The following SNAP29 variants were observed in gnomAD, a reference collection of about 807,000 sequenced individuals.
The protein encoded by SNAP29 is synaptosome associated protein 29.
In SNAP29, 13 loss-of-function variants were observed where a neutral mutation model predicts 27.9. That is an observed-to-expected ratio of 0.47 (90% confidence interval 0.30 to 0.74). The LOEUF is 0.74. SNAP29 is among the 30% of genes least tolerant of loss of function. The probability of loss-of-function intolerance (pLI) is 0.06; values close to 1 mark genes in which losing one functional copy is unlikely to be tolerated. For synonymous variants in SNAP29, 119 were observed against 127.1 expected (o/e 0.94, Z 0.43); for missense variants, 368 against 336.5 (o/e 1.09, Z -0.73).
rs117920615 is a variant in SNAP29 at position 20,870,846 on chromosome 22, A to T, written c.434+313A>T. 6.5e-3 allele frequency: 2,633 copies of T among 408,204 alleles called. 30 individuals are homozygous for T. The highest frequency in any genetic ancestry group is 0.051 in the East Asian group (917 of 17,886). The allele number at this position is 408,204 out of a possible 1,614,324, so 25.3% of individuals were successfully genotyped here. The stretch of plus-strand genomic sequence containing the variant: ...ACTTCACATAATTTTTGCTTTAAAA[A>T]ATCTTTAGGGCTGGGTGCAGTGGCT... On this transcript the variant is annotated intron_variant, in intron 2 of 4. Transcript: ENST00000215730.
chr22:20,875,955 A>G (rs1381103637), intron 2 of SNAP29, among the ~76,000 whole-genome samples: 3 of 151,962 alleles, frequency 2.0e-5, no homozygotes, highest in South Asian at 2.1e-4. Flanking sequence ...AGGTCAGGAG[A>G]TCGAGACCAT....
intron 4 of SNAP29, among the ~76,000 whole-genome samples, chr22:20,885,819 C>T (rs1929001170): frequency 6.6e-6 from 1 of 152,186 alleles, no homozygotes; most frequent in Non-Finnish European, 1.5e-5. Flanking sequence ...CAGGCCAGGC[C>T]GGTCCACTCT....
At chr22:20,873,337 C>T (rs1318854932) in intron 2 of SNAP29, among the ~76,000 whole-genome samples, 2 of 151,080 alleles carry the variant, frequency 1.3e-5, no homozygotes, top group Non-Finnish European at 2.9e-5. Flanking sequence ...TAATGCATCA[C>T]TAAGGTACAG....
chr22:20,880,505 CAAAAA>C (rs763227531), intron 2 of SNAP29, among the ~76,000 whole-genome samples: 1 of 102,456 alleles, frequency 9.8e-6, no homozygotes, highest in African/African-American at 3.6e-5. Flanking sequence ...GACTCCATCT[CAAAAA>C]AAAAAAAAAA....
At chr22:20,874,175 T>TGGCAG (rs1928667726) in intron 2 of SNAP29, among the ~76,000 whole-genome samples, 1 of 147,264 alleles carries the variant, frequency 6.8e-6, no homozygotes, top group Non-Finnish European at 1.5e-5. Context: ...CTCGGGAGGG[T>TGGCAG]GAGAAATGTG....
chr22:20,887,765 C>T lies in SNAP29; in HGVS notation c.706C>T (p.Arg236Trp), dbSNP rs762679848. 20 of 1,614,112 alleles carry T rather than the reference C, an allele frequency of 1.2e-5. 1 individual carries two copies. The highest frequency in any genetic ancestry group is 1.6e-4 in the Middle Eastern group (1 of 6,062). ...TGAGGAGCAAGATGACATTCTTGAC[C>T]GGCTGACAACCAAAGTGGACAAGTT... Reference protein sequence around the residue: ...EIEEQDDILDRLTTKVDKLDV... With the variant: ...EIEEQDDILDWLTTKVDKLDV... Residue 236 changes from arginine (R) to tryptophan (W), a missense_variant, in exon 5 of 5, where the codon CGG becomes TGG. Arg to Trp is a moderately radical substitution (Grantham distance 101). Transcript: ENST00000215730.
rs1251152956 is a variant in SNAP29 at position 20,859,364 on chromosome 22, G to C, written c.237+17G>C. ...TCTTCCGAGGTGAGCCTGGGGCAGGGCTGGTGTGGACTCGCCGGTCTCTGT... is the reference window on the plus strand; with the variant it reads ...TCTTCCGAGGTGAGCCTGGGGCAGGCCTGGTGTGGACTCGCCGGTCTCTGT... On this transcript the variant is annotated intron_variant, in intron 1 of 4. Coordinates refer to ENST00000215730, the MANE Select transcript of SNAP29 (RefSeq NM_004782.4). The C allele has an allele frequency of 6.4e-7, 1 of 1,552,252 alleles. No individual in the cohort carries two copies. Among genetic ancestry groups the C allele is most frequent in the South Asian group, 1.1e-5 (1 of 89,984 alleles).
rs911285902 is a variant in SNAP29 at position 20,859,024 on chromosome 22, G to T, written c.-87G>T. The T allele has an allele frequency of 2.2e-6, 3 of 1,379,520 alleles. No individual in the cohort carries two copies. The highest frequency in any genetic ancestry group is 2.9e-5 in the African/African-American group (2 of 68,258). 85.5% of individuals were successfully genotyped at this position (1,379,520 alleles called of 1,614,324 possible). A position where few individuals can be genotyped will look rare whatever the true frequency, so the allele number is the denominator to read the frequency against. On this transcript the variant is annotated 5_prime_UTR_variant, in exon 1 of 5. Coordinates refer to ENST00000215730, the MANE Select transcript of SNAP29 (RefSeq NM_004782.4). ...CGGAAGGAGTTCGCGCGACGACCGC[G>T]GGGTCGGCGGGCGGGGCGAGGCCCT...
At chr22:20,875,958 G>C (rs939582107) in intron 2 of SNAP29, among the ~76,000 whole-genome samples, 1 of 151,838 alleles carries the variant, frequency 6.6e-6, no homozygotes, top group Non-Finnish European at 1.5e-5. Flanking sequence ...TCAGGAGATC[G>C]AGACCATCCT....
At chr22:20,884,399 TCA>T (rs1211459328) in intron 4 of SNAP29, among the ~76,000 whole-genome samples, 1 of 151,602 alleles carries the variant, frequency 6.6e-6, no homozygotes. Context: ...CCCCACACAC[TCA>T]CAGTGCAGTC....
chr22:20,874,973 C>T (rs760161356), intron 2 of SNAP29, among the ~76,000 whole-genome samples: 1 of 152,066 alleles, frequency 6.6e-6, no homozygotes, highest in Non-Finnish European at 1.5e-5. Context: ...TTGTGACTAG[C>T]ACCCTTTCAC....
chr22:20,885,508 G>T (rs1928991141), intron 4 of SNAP29, among the ~76,000 whole-genome samples: 1 of 152,180 alleles, frequency 6.6e-6, no homozygotes, highest in African/African-American at 2.4e-5. Flanking sequence ...CTCCAGAGAA[G>T]CCCAGAGAGG....
chr22:20,870,528 C>A lies in SNAP29; in HGVS notation c.429C>A (p.Asn143Lys), dbSNP rs200899805. 4.3e-6 allele frequency: 7 copies of A among 1,613,788 alleles called. No individual in the cohort carries two copies. In the East Asian group the frequency reaches 1.6e-4, roughly 36 times the overall value. ...ATGGCACCCTCACCTCCCAGCCCAA[C>A]AACAGGTGAGTGCATCTTCTACCAT... ...EQNGTLTSQP[N>K]NRLKEAISTS... Residue 143 changes from asparagine (N) to lysine (K), a missense_variant, in exon 2 of 5, where the codon AAC becomes AAA. Coordinates refer to ENST00000215730, the MANE Select transcript of SNAP29 (RefSeq NM_004782.4).
At chr22:20,861,329 G>T (rs1417874901) in intron 1 of SNAP29, among the ~76,000 whole-genome samples, 2 of 151,504 alleles carry the variant, frequency 1.3e-5, no homozygotes, top group Non-Finnish European at 2.9e-5. Context: ...GGCCAGGATG[G>T]TCTCGATCTC....
In SNAP29 at chr22:20,890,254, A is replaced by G. The variant is rs998395400; in HGVS notation, c.*2418A>G. 1 of 398,426 alleles carries G rather than the reference A, an allele frequency of 2.5e-6. No homozygotes were observed. Among genetic ancestry groups the G allele is most frequent in the African/African-American group, 2.1e-5 (1 of 48,622 alleles). 24.7% of individuals were successfully genotyped at this position (398,426 alleles called of 1,614,324 possible). On this transcript the variant is annotated 3_prime_UTR_variant, in exon 5 of 5. Transcript: ENST00000215730. ...CATGGCTCCAGAAACTTTTCACATGATGATTGGGATCGACAAAAAAATGCT... is the reference window on the plus strand; with the variant it reads ...CATGGCTCCAGAAACTTTTCACATGGTGATTGGGATCGACAAAAAAATGCT...
intron 2 of SNAP29, among the ~76,000 whole-genome samples, chr22:20,879,874 A>G (rs1928849512): frequency 7.6e-6 from 1 of 131,542 alleles, no homozygotes; most frequent in African/African-American, 3.0e-5. Flanking sequence ...AAAAAAAAAA[A>G]AGCCAGGCAG....
intron 2 of SNAP29, among the ~76,000 whole-genome samples, chr22:20,876,858 A>G (rs1928758376): frequency 6.6e-6 from 1 of 152,022 alleles, no homozygotes; most frequent in African/African-American, 2.4e-5. Flanking sequence ...TCTCCTATCA[A>G]ACTTCTGTTC....
At chr22:20,885,049 A>G (rs1928980499) in intron 4 of SNAP29, among the ~76,000 whole-genome samples, 1 of 152,174 alleles carries the variant, frequency 6.6e-6, no homozygotes, top group African/African-American at 2.4e-5. Flanking sequence ...TGCTGGGATT[A>G]TAGGTGTGAG....
chr22:20,873,784 A>G (rs1349591955), intron 2 of SNAP29, among the ~76,000 whole-genome samples: 4 of 149,916 alleles, frequency 2.7e-5, no homozygotes, highest in East Asian at 2.0e-4. Flanking sequence ...GCCAGCCAAC[A>G]TGGTGAAACC....
Sources: allele counts gnomAD v4.1 joint callset (sites outside exome capture counted in the v4.1 genomes callset), GRCh38; gene constraint gnomAD v4.1.1; transcripts MANE v1.5; gene names NCBI Gene and HGNC (gene_info 2026-07-23, HGNC 2026-07-21).